Variants in PAPPA observed in about 807,000 individuals in gnomAD.
PAPPA encodes the protein pappalysin 1.
PAPPA carries 60 observed loss-of-function variants against 164.0 expected under a neutral mutation model. The ratio of observed to expected loss-of-function variants is 0.37; its 90% confidence interval spans 0.30 to 0.45. The LOEUF (loss-of-function observed/expected upper bound fraction) is 0.45, where lower values mean the gene tolerates loss of function less well. Ranked by LOEUF, PAPPA falls within the 20% of genes least tolerant of loss-of-function variation. The pLI, the probability that PAPPA is intolerant of heterozygous loss-of-function variation, is 1.00. For synonymous variants in PAPPA, 875 were observed against 814.1 expected, an observed-to-expected ratio of 1.07 and a Z score of -1.27; for missense variants, 1,782 against 2,087.3, an observed-to-expected ratio of 0.85 and a Z score of 2.85.
intron 10 of PAPPA, among the ~76,000 whole-genome samples, chr9:116,309,298 A>T (rs113394209): frequency 6.6e-6 from 1 of 151,984 alleles, no homozygotes; most frequent in East Asian, 1.9e-4. Flanking sequence ...CTGGTCTCAA[A>T]CTTCTAACCT....
At chr9:116,285,167 C>CTTTTTTTTTTTTTTTTTTTTTT (rs1177249949) in intron 9 of PAPPA, among the ~76,000 whole-genome samples, 1 of 90,098 alleles carries the variant, frequency 1.1e-5, no homozygotes, top group African/African-American at 4.3e-5. Context: ...TCTTTTCTTT[C>CTTTTTTTTTTTTTTTTTTTTTT]TTTCTTTTTT....
In PAPPA at chr9:116,154,465, A is replaced by C; in HGVS notation, c.293A>C (p.Tyr98Ser). 7.7e-7 allele frequency: 1 copy of C among 1,292,008 alleles called. No homozygotes were observed. Among genetic ancestry groups the C allele is most frequent in the East Asian group, 3.1e-5 (1 of 31,870 alleles). The allele number at this position is 1,292,008 out of a possible 1,614,324, so 80.0% of individuals were successfully genotyped here. ...CCGAGCCCGCCGAGCCGGGCGCTCTATTTCAGCGGGCGAGGCGAGCAGCTG... is the reference window on the plus strand; with the variant it reads ...CCGAGCCCGCCGAGCCGGGCGCTCTCTTTCAGCGGGCGAGGCGAGCAGCTG... ...EEPSPPSRALYFSGRGEQLRL... is the reference protein window; with the variant it reads ...EEPSPPSRALSFSGRGEQLRL... The change falls in exon 1 of 22, where the codon TAT becomes TCT. Residue 98 changes from tyrosine to serine, a missense_variant. Physicochemically the swap from Tyr to Ser is moderately radical, Grantham distance 144. Around this residue, in one of 2 missense-constraint regions of PAPPA, gnomAD observed 458 missense variants for 430.3 expected, o/e 1.06. Coordinates refer to ENST00000328252, the MANE Select transcript of PAPPA (RefSeq NM_002581.5). The surrounding 1 kb of genome is among the most constrained non-coding windows in gnomAD (Gnocchi z 5.2).
At chr9:116,346,937 CT>C in intron 14 of PAPPA, 88 bp from the exon 15 acceptor site, 2 of 1,117,180 alleles carry the variant, frequency 1.8e-6, no homozygotes, top group Non-Finnish European at 2.5e-6. Context: ...CTGGGCGAGA[CT>C]CTGAGCCGTC....
At chr9:116,173,766 C>T (rs552344940) in intron 1 of PAPPA, among the ~76,000 whole-genome samples, 4 of 152,300 alleles carry the variant, frequency 2.6e-5, no homozygotes, top group South Asian at 2.1e-4. Flanking sequence ...ATGCAAGGCT[C>T]GGCTCTTTTG....
At chr9:116,195,996 A>G (rs1161984326) in intron 2 of PAPPA, among the ~76,000 whole-genome samples, 1 of 152,172 alleles carries the variant, frequency 6.6e-6, no homozygotes, top group African/African-American at 2.4e-5. Context: ...CCAGCAAAAA[A>G]GCAAAGGCAT....
intron 21 of PAPPA, among the ~76,000 whole-genome samples, chr9:116,385,336 A>G (rs1846794571): frequency 6.6e-6 from 1 of 151,976 alleles, no homozygotes; most frequent in Non-Finnish European, 1.5e-5. Flanking sequence ...TAGTCCCACA[A>G]TGCACTCTGT....
At chr9:116,356,705 A>G (rs977907497) in intron 17 of PAPPA, among the ~76,000 whole-genome samples, 11 of 152,084 alleles carry the variant, frequency 7.2e-5, no homozygotes, top group African/African-American at 2.7e-4. Context: ...GTTCTGTTCC[A>G]TTGGTCTATA....
At chr9:116,256,405 A>G (rs892623069) in intron 7 of PAPPA, among the ~76,000 whole-genome samples, 3 of 151,990 alleles carry the variant, frequency 2.0e-5, no homozygotes, top group Admixed American at 6.5e-5. Flanking sequence ...AGGAATAAAT[A>G]AGCAAGGAAA....
chr9:116,275,546 A>T (rs1587982624), intron 9 of PAPPA, among the ~76,000 whole-genome samples: 1 of 151,076 alleles, frequency 6.6e-6, no homozygotes, highest in Non-Finnish European at 1.5e-5. Context: ...GGCTTTTTCT[A>T]CTCTGCCACT....
At chr9:116,161,596 A>G (rs1843665454) in intron 1 of PAPPA, among the ~76,000 whole-genome samples, 1 of 151,420 alleles carries the variant, frequency 6.6e-6, no homozygotes, top group African/African-American at 2.4e-5. Context: ...GTGATATGAT[A>G]TTGTTGTTAT....
intron 10 of PAPPA, among the ~76,000 whole-genome samples, chr9:116,307,369 G>T (rs963685495): frequency 2.0e-5 from 3 of 152,132 alleles, no homozygotes; most frequent in African/African-American, 7.2e-5. Flanking sequence ...GGAGGCTGAG[G>T]CGGGCGGATC....
chr9:116,199,667 C>T (rs754372892), intron 2 of PAPPA, among the ~76,000 whole-genome samples: 2 of 152,114 alleles, frequency 1.3e-5, no homozygotes, highest in Admixed American at 6.5e-5. Flanking sequence ...AAGACCCTTC[C>T]TGATTGTCTT....
chr9:116,331,462 T>C, intron 11 of PAPPA, 105 bp downstream of exon 11: 1 of 711,408 alleles, frequency 1.4e-6, no homozygotes, highest in Non-Finnish European at 2.5e-6. Flanking sequence ...GCTGAGGGTG[T>C]TAATTGTAAG....
intron 2 of PAPPA, among the ~76,000 whole-genome samples, chr9:116,197,762 A>G (rs1844125250): frequency 6.6e-6 from 1 of 152,184 alleles, no homozygotes; most frequent in South Asian, 2.1e-4. Flanking sequence ...GTATTGTTTT[A>G]ATTTTAAATA....
At chr9:116,212,737 G>A (rs539540134) in intron 4 of PAPPA, among the ~76,000 whole-genome samples, 2 of 152,282 alleles carry the variant, frequency 1.3e-5, no homozygotes, top group South Asian at 4.1e-4. Flanking sequence ...AGTAAAGAAA[G>A]AAAGGGAGGA....
chr9:116,306,751 C>A (rs1171291333), intron 10 of PAPPA, among the ~76,000 whole-genome samples: 1 of 152,180 alleles, frequency 6.6e-6, no homozygotes, highest in Non-Finnish European at 1.5e-5. Flanking sequence ...TAATGCTTTA[C>A]ACAAAAGGAT....
chr9:116,232,670 A>G (rs1302626891), intron 6 of PAPPA, among the ~76,000 whole-genome samples: 1 of 152,216 alleles, frequency 6.6e-6, no homozygotes, highest in African/African-American at 2.4e-5. Flanking sequence ...CACATTGAGG[A>G]TGGTCAACTC....
chr9:116,187,642 G>T lies in PAPPA; in HGVS notation c.904G>T (p.Asp302Tyr), dbSNP rs1167506913. 2 of 1,614,106 alleles carry T rather than the reference G, an allele frequency of 1.2e-6. No individual in the cohort carries two copies. Among genetic ancestry groups the T allele is most frequent in the African/African-American group, 2.7e-5 (2 of 74,938 alleles). Residue 302 changes from aspartate (D) to tyrosine (Y), a missense_variant, in exon 2 of 22, where the codon GAT (aspartate) becomes TAT (tyrosine). Transcript: ENST00000328252. The surrounding 1 kb of genome is among the most constrained non-coding windows in gnomAD (Gnocchi z 4.2). ...GAAGCATGCCTGGTCCCCCATGAAG[G>T]ATGGCAGCAGCCCCAAAGTGGAATT... ...NVKHAWSPMK[D>Y]GSSPKVEFSN...
At chr9:116,351,544 T>C (rs1388979815) in intron 15 of PAPPA, among the ~76,000 whole-genome samples, 1 of 152,208 alleles carries the variant, frequency 6.6e-6, no homozygotes, top group East Asian at 1.9e-4. Flanking sequence ...GGCTCCGGAA[T>C]GAATAATAAG....
Sources: gnomAD v4.1 joint callset for allele counts (sites outside exome capture counted in the v4.1 genomes callset) on GRCh38, gnomAD v4.1.1 for gene constraint, gnomAD v4.1.1 regional missense constraint, Gnocchi (gnomAD v3.1) non-coding constraint, MANE v1.5 for transcripts, NCBI Gene and HGNC (gene_info 2026-07-23, HGNC 2026-07-21) for gene names.